Variants in GRAMD2A observed in about 807,000 individuals in gnomAD.
GRAMD2A encodes GRAM domain-containing protein 2A.
A neutral mutation model predicts 51.1 loss-of-function variants in GRAMD2A; 37 were observed. The ratio of observed to expected loss-of-function variants is 0.72; its 90% confidence interval spans 0.56 to 0.95. GRAMD2A has a LOEUF of 0.95. GRAMD2A is among the 40% of genes least tolerant of loss of function. The pLI is 0.00. For synonymous variants in GRAMD2A, 136 were observed against 157.1 expected (o/e 0.87, Z 1.01); for missense variants, 414 against 426.9 (o/e 0.97, Z 0.27).
chr15:72,189,239 A>G (rs2081752602), intron 1 of GRAMD2A, among the ~76,000 whole-genome samples: 1 of 152,262 alleles, frequency 6.6e-6, no homozygotes, highest in South Asian at 2.1e-4. Flanking sequence ...TCTTCACTAC[A>G]TGGAAACTTT....
At chr15:72,188,402 TA>T (rs2081747888) in intron 1 of GRAMD2A, among the ~76,000 whole-genome samples, 1 of 151,874 alleles carries the variant, frequency 6.6e-6, no homozygotes, top group Non-Finnish European at 1.5e-5. Flanking sequence ...GGAAGTACTA[TA>T]AATGTCCATC....
At position 72,166,719 on chromosome 15, in the gene GRAMD2A, AAAAC is replaced by A. The variant is rs764295431; in HGVS notation, c.472-20_472-17del. 1.9e-6 allele frequency: 3 copies of A among 1,606,538 alleles called. No individual in the cohort carries two copies. The highest frequency in any genetic ancestry group is 2.2e-5 in the East Asian group (1 of 44,836). ...CAAAGATATACTGGGACATGGAAAG[AAAAC>A]AGACAGGGGTAGGGTGAGATGAGAC... On this transcript the variant is annotated splice_polypyrimidine_tract_variant and intron_variant, in intron 6 of 11. Coordinates refer to ENST00000309731, the MANE Select transcript of GRAMD2A (RefSeq NM_001012642.3). This position sits in a 1 kb window ranked among gnomAD's most constrained non-coding sequence, Gnocchi z 4.1.
chr15:72,196,995 C>T (rs1324653542), intron 1 of GRAMD2A, among the ~76,000 whole-genome samples: 1 of 152,220 alleles, frequency 6.6e-6, no homozygotes, highest in Non-Finnish European at 1.5e-5. Flanking sequence ...CAGGAATTGA[C>T]AGGTTCCCCC....
chr15:72,169,066 C>T (rs2081580672), intron 2 of GRAMD2A, 70 bp from the exon 3 acceptor site: 1 of 1,398,948 alleles, frequency 7.1e-7, no homozygotes, highest in East Asian at 2.3e-5. Context: ...AGTGCCAATT[C>T]TGCCCTGGCC....
In GRAMD2A at chr15:72,166,119, T is replaced by C. The variant is rs1356911679; in HGVS notation, c.543+513A>G. 6.6e-6 allele frequency among the ~76,000 whole-genome samples: 1 copy of C among 152,208 alleles called. No homozygotes were observed. Among genetic ancestry groups the C allele is most frequent in the Non-Finnish European group, 1.5e-5 (1 of 68,026 alleles). ...CTTGACCTCAGGTGATCCACCTGCCTCGGCCTCCCAAAGTGCTGGGACCAT... is the reference window on the plus strand; with the variant it reads ...CTTGACCTCAGGTGATCCACCTGCCCCGGCCTCCCAAAGTGCTGGGACCAT... On this transcript the variant is annotated intron_variant, in intron 7 of 11. Transcript: ENST00000309731. This position sits in a 1 kb window ranked among gnomAD's most constrained non-coding sequence, Gnocchi z 4.1.
At position 72,160,779 on chromosome 15, in the gene GRAMD2A, A is replaced by G; in HGVS notation, c.*1230T>C. 6.6e-6 allele frequency: 1 copy of G among 152,618 alleles called. No homozygotes were observed. Among genetic ancestry groups the G allele is most frequent in the Non-Finnish European group, 1.5e-5 (1 of 68,284 alleles). 9.5% of individuals were successfully genotyped at this position (152,618 alleles called of 1,614,324 possible). A position where few individuals can be genotyped will look rare whatever the true frequency, so the allele number is the denominator to read the frequency against. On this transcript the variant is annotated 3_prime_UTR_variant, in exon 12 of 12. Transcript: ENST00000309731. ...AGAGAAGAAGAGAAGGCCTTGATAG[A>G]GGAAGAGGAATATCCAAGGCAAAGC...
At chr15:72,168,450 C>G in intron 4 of GRAMD2A, 41 bp downstream of exon 4, 3 of 1,483,678 alleles carry the variant, frequency 2.0e-6, no homozygotes, top group Non-Finnish European at 2.8e-6. Flanking sequence ...TGGCCCCAGG[C>G]ACTCTGGGTG....
rs541771281 is a variant in GRAMD2A, at chr15:72,168,550, T to C, written c.209A>G (p.Tyr70Cys). Residue 70 changes from tyrosine to cysteine, a missense_variant, in exon 4 of 12, where the codon TAC becomes TGC. Coordinates refer to ENST00000309731, the MANE Select transcript of GRAMD2A (RefSeq NM_001012642.3). ...AAACAGCTTGTGGTATTGCTGGTTG[T>C]ATTTATTCAGTGTTATCTGCAAACA... ...CGREGITLNK[Y>C]NQQYHKLFKD... The C allele has an allele frequency of 8.5e-5, 137 of 1,613,798 alleles. No homozygotes were observed. In the South Asian group the frequency reaches 1.4e-3, roughly 17 times the overall value.
rs747041965 is a variant in GRAMD2A, at chr15:72,170,255, C to T, written c.42-316G>A. 1 of 524,108 alleles carries T rather than the reference C, an allele frequency of 1.9e-6. No homozygotes were observed. Among genetic ancestry groups the T allele is most frequent in the South Asian group, 1.5e-5 (1 of 65,120 alleles). 32.5% of individuals were successfully genotyped at this position (524,108 alleles called of 1,614,324 possible). On this transcript the variant is annotated intron_variant, in intron 1 of 11. Transcript: ENST00000309731. This position sits in a 1 kb window ranked among gnomAD's most constrained non-coding sequence, Gnocchi z 4.5. ...GCTCGTAGGCCAGGCTGAGTGAGGC[C>T]TCTAGCCCCACCCTTGAGGAGGCAC...
intron 1 of GRAMD2A, among the ~76,000 whole-genome samples, chr15:72,171,993 T>G (rs967237005): frequency 6.6e-6 from 1 of 150,490 alleles, no homozygotes; most frequent in African/African-American, 2.4e-5. Context: ...CTGTGCCTAA[T>G]TTTTGTATTT....
intron 1 of GRAMD2A, among the ~76,000 whole-genome samples, chr15:72,176,315 G>A (rs566955019): frequency 6.6e-5 from 10 of 152,210 alleles, no homozygotes; most frequent in Non-Finnish European, 1.0e-4. Flanking sequence ...AATCTCAGCC[G>A]GGCCTGCGTG....
intron 1 of GRAMD2A, among the ~76,000 whole-genome samples, chr15:72,192,440 T>C (rs1486788940): frequency 6.6e-6 from 1 of 152,258 alleles, no homozygotes; most frequent in Non-Finnish European, 1.5e-5. Flanking sequence ...GCATTTTGTG[T>C]GGCCTGAGTG....
At chr15:72,173,220 G>A (rs1178850872) in intron 1 of GRAMD2A, among the ~76,000 whole-genome samples, 1 of 152,180 alleles carries the variant, frequency 6.6e-6, no homozygotes, top group African/African-American at 2.4e-5. Flanking sequence ...AGGAAGCTGA[G>A]CCTTAGAAAC....
At chr15:72,194,668 A>AT (rs2081792254) in intron 1 of GRAMD2A, among the ~76,000 whole-genome samples, 1 of 151,622 alleles carries the variant, frequency 6.6e-6, no homozygotes, top group Non-Finnish European at 1.5e-5. Context: ...CCAAACTCAT[A>AT]TTTTTTCTTT....
chr15:72,169,969 G>A (rs1295336008), intron 1 of GRAMD2A, 30 bp from the exon 2 acceptor site: 1 of 1,542,010 alleles, frequency 6.5e-7, no homozygotes, highest in Admixed American at 1.7e-5. Context: ...TATCAGGAAG[G>A]GGGCTTCATG....
chr15:72,195,002 A>G lies in GRAMD2A; in HGVS notation c.41+2729T>C, dbSNP rs372744998. On this transcript the variant is annotated intron_variant, in intron 1 of 11. Coordinates refer to ENST00000309731, the MANE Select transcript of GRAMD2A (RefSeq NM_001012642.3). ...CGCGCCCGGCTCAAATTCATACTTT[A>G]AATGCCTATTTGCAATCAGCAAAGA... is the stretch of plus-strand genomic sequence containing the variant. 9.8e-4 allele frequency among the ~76,000 whole-genome samples: 149 copies of G among 152,268 alleles called. 1 individual carries two copies. Among genetic ancestry groups the G allele is most frequent in the Middle Eastern group, 3.4e-3 (1 of 294 alleles).
At position 72,172,105 on chromosome 15, in the gene GRAMD2A, C is replaced by T. The variant is rs1047698003; in HGVS notation, c.42-2166G>A. Among the ~76,000 whole-genome samples, 6 of 151,394 alleles carry T rather than the reference C, an allele frequency of 4.0e-5. No individual in the cohort carries two copies. In the East Asian group the frequency reaches 1.2e-3, roughly 30 times the overall value. ...CCTCCCAGAGTGCTGGGATTACAGG[C>T]ATGAGCCACCACGCCCGGCCTTTTT... On this transcript the variant is annotated intron_variant, in intron 1 of 11. Transcript: ENST00000309731.
At chr15:72,192,011 G>T (rs1181341087) in intron 1 of GRAMD2A, among the ~76,000 whole-genome samples, 1 of 152,158 alleles carries the variant, frequency 6.6e-6, no homozygotes, top group Non-Finnish European at 1.5e-5. Context: ...TGATTAAGAA[G>T]TTACTGCCAT....
Position 72,163,624 on chromosome 15 carries a change from G to A in GRAMD2A, c.734C>T (p.Pro245Leu), listed in dbSNP as rs370337409. 2.3e-5 allele frequency: 36 copies of A among 1,596,878 alleles called. No individual in the cohort carries two copies. Among genetic ancestry groups the A allele is most frequent in the Non-Finnish European group, 2.8e-5 (33 of 1,174,268 alleles). ...CCTCCCGAACTTACCAGACATTGGA[G>A]GCTTCCTGGAGGGGAAGAAACTGTC... ...STDSFFPSRK[P>L]PMSEKSRAQV... Residue 245 changes from proline (P) to leucine (L), a missense_variant, in exon 9 of 12, where the codon CCT becomes CTT. Physicochemically the swap from Pro to Leu is moderately conservative, Grantham distance 98. Coordinates refer to ENST00000309731, the MANE Select transcript of GRAMD2A (RefSeq NM_001012642.3).
Sources: gnomAD v4.1 joint callset for allele counts (sites outside exome capture counted in the v4.1 genomes callset) on GRCh38, gnomAD v4.1.1 for gene constraint, Gnocchi (gnomAD v3.1) non-coding constraint, MANE v1.5 for transcripts, NCBI Gene and HGNC (gene_info 2026-07-23, HGNC 2026-07-21) for gene names.